DLC1: variants seen among roughly 807,000 people sequenced by gnomAD.
DLC1 encodes DLC1 Rho GTPase activating protein, also known as rho GTPase-activating protein 7.
A neutral mutation model predicts 140.3 loss-of-function variants in DLC1; 54 were observed. That is an observed-to-expected ratio of 0.38 (90% CI 0.31 to 0.48). The LOEUF (loss-of-function observed/expected upper bound fraction) is 0.48. DLC1 is among the 20% of genes least tolerant of loss of function. The pLI, the probability that DLC1 is intolerant of heterozygous loss-of-function variation, is 0.96. For synonymous variants in DLC1, 986 were observed against 728.1 expected (o/e 1.35, Z -5.70); for missense variants, 2,536 against 1,907.0 (o/e 1.33, Z -6.14).
intron 4 of DLC1, among the ~76,000 whole-genome samples, chr8:13,334,125 G>A (rs1833719229): frequency 6.6e-6 from 1 of 152,162 alleles, no homozygotes; most frequent in Non-Finnish European, 1.5e-5. Flanking sequence ...TTTAGTCAAG[G>A]TTACCAGGGA....
intron 5 of DLC1, among the ~76,000 whole-genome samples, chr8:13,197,041 T>A (rs1827102809): frequency 6.6e-6 from 1 of 152,252 alleles, no homozygotes; most frequent in South Asian, 2.1e-4. Context: ...TTCTGATGAA[T>A]GAATGAATGA....
intron 1 of DLC1, among the ~76,000 whole-genome samples, chr8:13,507,161 A>G (rs1333554715): frequency 6.6e-6 from 1 of 152,204 alleles, no homozygotes; most frequent in African/African-American, 2.4e-5. Context: ...TGATAATGTC[A>G]AAGAACAAAT....
intron 2 of DLC1, among the ~76,000 whole-genome samples, chr8:13,452,458 C>A (rs1328813638): frequency 6.6e-6 from 1 of 151,976 alleles, no homozygotes; most frequent in Non-Finnish European, 1.5e-5. Flanking sequence ...AGCCTCATGC[C>A]CAAATCTATA....
intron 1 of DLC1, among the ~76,000 whole-genome samples, chr8:13,565,297 A>T (rs760832523): frequency 6.6e-6 from 1 of 152,224 alleles, no homozygotes; most frequent in Non-Finnish European, 1.5e-5. Context: ...TAGAAGACAC[A>T]GATAGATTTT....
At position 13,083,743 on chromosome 8, in the gene DLC1, C is replaced by A. The variant is rs535348608; in HGVS notation, c.*2068G>T. ...GCTTCCTGAACCTTCACCAGGGTTT[C>A]CTGTTTGGGAGTGGGTGGCTCAGTT... On this transcript the variant is annotated 3_prime_UTR_variant, in exon 18 of 18. Coordinates refer to ENST00000276297, the MANE Select transcript of DLC1 (RefSeq NM_182643.3). The A allele has an allele frequency of 1.3e-5, 2 of 152,736 alleles. No individual in the cohort carries two copies. Among genetic ancestry groups the A allele is most frequent in the African/African-American group, 4.8e-5 (2 of 41,562 alleles). The allele number at this position is 152,736 out of a possible 1,614,324, so 9.5% of individuals were successfully genotyped here. A position where few individuals can be genotyped will look rare whatever the true frequency, so the allele number is the denominator to read the frequency against.
At chr8:13,138,597 T>C (rs1822737676) in intron 5 of DLC1, among the ~76,000 whole-genome samples, 1 of 152,246 alleles carries the variant, frequency 6.6e-6, no homozygotes, top group African/African-American at 2.4e-5. Flanking sequence ...TTTGTAATGT[T>C]CAAAGGACAT....
chr8:13,361,669 A>C (rs1281800661), intron 4 of DLC1, among the ~76,000 whole-genome samples: 1 of 152,170 alleles, frequency 6.6e-6, no homozygotes, highest in Admixed American at 6.5e-5. Flanking sequence ...TATTTCCTAT[A>C]TTTCAAAGAT....
At chr8:13,594,817 G>T (rs1456790813) in intron 1 of DLC1, among the ~76,000 whole-genome samples, 1 of 151,648 alleles carries the variant, frequency 6.6e-6, no homozygotes, top group Admixed American at 6.6e-5. Flanking sequence ...TAGAAGAAAT[G>T]ATCTAATTTC....
At chr8:13,167,609 A>G (rs1825195297) in intron 5 of DLC1, among the ~76,000 whole-genome samples, 1 of 152,178 alleles carries the variant, frequency 6.6e-6, no homozygotes, top group African/African-American at 2.4e-5. Flanking sequence ...CAGCCTTGCT[A>G]TGTGAAAGGC....
chr8:13,356,250 T>G (rs1406514567), intron 4 of DLC1, among the ~76,000 whole-genome samples: 2 of 152,192 alleles, frequency 1.3e-5, no homozygotes, highest in Admixed American at 6.5e-5. Flanking sequence ...TCTTGAACTT[T>G]GAATGTAACC....
At chr8:13,327,557 C>T (rs1833418804) in intron 4 of DLC1, among the ~76,000 whole-genome samples, 6 of 151,604 alleles carry the variant, frequency 4.0e-5, no homozygotes, top group Non-Finnish European at 1.5e-5. Context: ...TGGGTTCAAG[C>T]AATCCTCCTG....
intron 2 of DLC1, among the ~76,000 whole-genome samples, chr8:13,456,263 T>A (rs1440726602): frequency 6.6e-6 from 1 of 152,186 alleles, no homozygotes; most frequent in Admixed American, 6.5e-5. Flanking sequence ...TCTGCCCTTT[T>A]TCTTCTCAAT....
Position 13,474,948 on chromosome 8 carries a change from A to C in DLC1, c.1023+24101T>G, listed in dbSNP as rs1220470463. On this transcript the variant is annotated intron_variant, in intron 2 of 17. Coordinates refer to ENST00000276297, the MANE Select transcript of DLC1 (RefSeq NM_182643.3). ...TGAGACTTAGGACTGTGGACTTTTCAGTTAATGCTCCACCACGCTTAGCTA... is the reference window on the plus strand; with the variant it reads ...TGAGACTTAGGACTGTGGACTTTTCCGTTAATGCTCCACCACGCTTAGCTA... 2.0e-5 allele frequency among the ~76,000 whole-genome samples: 3 copies of C among 152,256 alleles called. No individual in the cohort carries two copies. In the East Asian group the frequency reaches 5.8e-4, roughly 29 times the overall value.
At chr8:13,493,913 T>G (rs1461543209) in intron 2 of DLC1, among the ~76,000 whole-genome samples, 10 of 152,202 alleles carry the variant, frequency 6.6e-5, no homozygotes, top group Non-Finnish European at 1.3e-4. Flanking sequence ...ACCAAATGTT[T>G]GCATATTTTA....
At chr8:13,362,175 G>T (rs1186828491) in intron 4 of DLC1, among the ~76,000 whole-genome samples, 2 of 152,144 alleles carry the variant, frequency 1.3e-5, no homozygotes, top group Non-Finnish European at 2.9e-5. Context: ...GAGTGAGTCT[G>T]GGAAGCTGAA....
At chr8:13,339,589 G>A (rs181871196) in intron 4 of DLC1, 30 of 152,250 alleles carry the variant, frequency 2.0e-4, no homozygotes, top group African/African-American at 7.2e-4. Flanking sequence ...TCATTATGTC[G>A]CCTGTTTTGA....
rs766994479 is a variant in DLC1 at position 13,085,936 on chromosome 8, C to A, written c.4467-5G>T. 3.7e-6 allele frequency: 6 copies of A among 1,611,584 alleles called. No individual in the cohort carries two copies. In the Admixed American group the frequency reaches 8.4e-5, roughly 23 times the overall value. On this transcript the variant is annotated splice_polypyrimidine_tract_variant and splice_region_variant and intron_variant, in intron 17 of 17. Coordinates refer to ENST00000276297, the MANE Select transcript of DLC1 (RefSeq NM_182643.3). ...TACCATTCTGGCATGTGGCCCCTAT[C>A]AGAGAAAAGAAAGAAAAGCTGATGA...
chr8:13,272,244 T>C (rs1313887904), intron 5 of DLC1, among the ~76,000 whole-genome samples: 1 of 151,812 alleles, frequency 6.6e-6, no homozygotes, highest in Non-Finnish European at 1.5e-5. Context: ...AGTTAGGAGT[T>C]CAAGACCAGC....
intron 5 of DLC1, among the ~76,000 whole-genome samples, chr8:13,164,101 A>G (rs903289293): frequency 3.3e-5 from 5 of 152,118 alleles, no homozygotes; most frequent in African/African-American, 7.2e-5. Flanking sequence ...GTTTGAGACC[A>G]GGCTGGCCAA....
Sources: gnomAD v4.1 joint callset for allele counts (sites outside exome capture counted in the v4.1 genomes callset) on GRCh38, gnomAD v4.1.1 for gene constraint, MANE v1.5 for transcripts, NCBI Gene and HGNC (gene_info 2026-07-23, HGNC 2026-07-21) for gene names.